Variants in NLRC5 observed in about 807,000 individuals in gnomAD.
NLRC5 encodes the protein protein NLRC5.
NLRC5 carries 114 observed loss-of-function variants against 206.9 expected under a neutral mutation model. That is an observed-to-expected ratio of 0.55 (90% confidence interval 0.47 to 0.64). NLRC5 has a LOEUF of 0.64. Among genes scored for constraint, NLRC5 ranks in the 30% least tolerant of loss-of-function variants. NLRC5 has a pLI of 0.00. For missense variants in NLRC5, 2,008 were observed against 2,305.5 expected, an observed-to-expected ratio of 0.87 and a Z score of 2.64; for synonymous variants, 952 against 962.8, an observed-to-expected ratio of 0.99 and a Z score of 0.21.
rs878933351 is a variant in NLRC5, at chr16:57,082,842, CAT to C, written c.*315_*316del. The C allele has an allele frequency of 5.6e-5, 14 of 248,112 alleles. 1 individual carries two copies. In the South Asian group the frequency reaches 1.2e-3, roughly 20 times the overall value. The allele number at this position is 248,112 out of a possible 1,614,324, so 15.4% of individuals were successfully genotyped here. ...TATATGTGGCAGTGTGACCCCTTGACATGTGGCGTTACATGAAAGTCAGTGTG... is the reference window on the plus strand; with the variant it reads ...TATATGTGGCAGTGTGACCCCTTGACGTGGCGTTACATGAAAGTCAGTGTG... On this transcript the variant is annotated 3_prime_UTR_variant, in exon 49 of 49. Coordinates refer to ENST00000688547, the MANE Select transcript of NLRC5 (RefSeq NM_001384950.1).
chr16:57,049,458 C>G (rs1205347662), intron 23 of NLRC5, among the ~76,000 whole-genome samples: 1 of 152,160 alleles, frequency 6.6e-6, no homozygotes, highest in Non-Finnish European at 1.5e-5. Flanking sequence ...CCACTGGCGG[C>G]CCGGCACGGT....
chr16:57,047,669 G>GA (rs766382710), intron 23 of NLRC5, 41 bp downstream of exon 23: 2 of 1,543,236 alleles, frequency 1.3e-6, no homozygotes, highest in Admixed American at 3.5e-5. Flanking sequence ...ACCATGTGGG[G>GA]ATCTGCCCAG....
At chr16:57,081,430 C>T in intron 47 of NLRC5, 97 bp from the exon 48 acceptor site, 1 of 1,167,426 alleles carries the variant, frequency 8.6e-7, no homozygotes, top group Non-Finnish European at 1.3e-6. Flanking sequence ...GAGACTGTGT[C>T]CCCTGACCTT....
At position 57,025,993 on chromosome 16, in the gene NLRC5, G is replaced by GCTGC. The variant is rs769045410; in HGVS notation, c.1067_1070dup (p.Glu358CysfsTer12). ...TGATGGCTACCTCCCGTCCAGGGAAGCTGCCTGCCTGCCTGCCTGCAGAGG... is the reference window on the plus strand; with the variant it reads ...TGATGGCTACCTCCCGTCCAGGGAAGCTGCCTGCCTGCCTGCCTGCCTGCAGAGG... On this transcript the variant is annotated frameshift_variant, in exon 6 of 49. Coordinates refer to ENST00000688547, the MANE Select transcript of NLRC5 (RefSeq NM_001384950.1). LOFTEE classifies it high-confidence loss of function. The GCTGC allele has an allele frequency of 4.3e-6, 7 of 1,614,022 alleles. No homozygotes were observed. The highest frequency in any genetic ancestry group is 1.7e-5 in the Admixed American group (1 of 60,030).
intron 1 of NLRC5, among the ~76,000 whole-genome samples, chr16:57,009,194 G>A (rs2059229797): frequency 6.6e-6 from 1 of 152,118 alleles, no homozygotes; most frequent in African/African-American, 2.4e-5. Context: ...AGGAGGCTGA[G>A]GCGGGAGAAT....
At chr16:57,027,351 C>T (rs1008282816) in intron 6 of NLRC5, among the ~76,000 whole-genome samples, 1 of 152,174 alleles carries the variant, frequency 6.6e-6, no homozygotes, top group African/African-American at 2.4e-5. Context: ...TTCTTCGTTC[C>T]TAAAACGAAT....
chr16:57,059,140 C>A, intron 29 of NLRC5, 79 bp downstream of exon 29: 1 of 1,609,962 alleles, frequency 6.2e-7, no homozygotes, highest in Non-Finnish European at 8.5e-7. Context: ...AGAAGCAAGG[C>A]ACCCACACTT....
rs774458908 is a variant in NLRC5, at chr16:57,047,553, A to G, written c.3347A>G (p.Glu1116Gly). 1.9e-6 allele frequency: 3 copies of G among 1,611,490 alleles called. No homozygotes were observed. The Admixed American group carries it at 5.0e-5, about 27-fold the overall frequency. ...RCIPRSLCLSECPLEPPSLTR... is the reference protein window; with the variant it reads ...RCIPRSLCLSGCPLEPPSLTR... ...CCATTGCCCCTTTGCAGCCTCAGTG[A>G]GTGTCCTCTGGAGCCCCCAAGCCTC... The change falls in exon 23 of 49, where the codon GAG becomes GGG. Residue 1116 changes from glutamate to glycine, a missense_variant. Glu to Gly is a moderately conservative substitution (Grantham distance 98, BLOSUM62 -2). Coordinates refer to ENST00000688547, the MANE Select transcript of NLRC5 (RefSeq NM_001384950.1).
At chr16:57,067,594 T>G in intron 35 of NLRC5, 124 bp downstream of exon 35, 1 of 1,348,540 alleles carries the variant, frequency 7.4e-7, no homozygotes. Flanking sequence ...ACTTGGCCAG[T>G]GGAGGGGAGG....
chr16:57,059,586 C>T (rs1224904383), intron 30 of NLRC5, 54 bp downstream of exon 30: 2 of 1,481,080 alleles, frequency 1.4e-6, no homozygotes, highest in African/African-American at 2.8e-5. Flanking sequence ...GGAGGCTGAC[C>T]CTATGGCGGC....
At chr16:57,056,082 T>A (rs2144471355) in intron 27 of NLRC5, among the ~76,000 whole-genome samples, 1 of 152,356 alleles carries the variant, frequency 6.6e-6, no homozygotes, top group East Asian at 1.9e-4. Context: ...ATTGTTCTCA[T>A]TTTACAGATG....
rs1045269608 is a variant in NLRC5 at position 57,054,615 on chromosome 16, G to C, written c.3507-136G>C. 17 of 735,058 alleles carry C rather than the reference G, an allele frequency of 2.3e-5. No individual in the cohort carries two copies. In the Admixed American group the frequency reaches 2.5e-4, roughly 11 times the overall value. The allele number at this position is 735,058 out of a possible 1,614,324, so 45.5% of individuals were successfully genotyped here. A position where few individuals can be genotyped will look rare whatever the true frequency, so the allele number is the denominator to read the frequency against. On this transcript the variant is annotated intron_variant, in intron 24 of 48. Coordinates refer to ENST00000688547, the MANE Select transcript of NLRC5 (RefSeq NM_001384950.1). ...CTGCCTGTCCCTCAGCCCTATTTGT[G>C]CCTCTTGATCCCCTGCCTGCTTCCC...
At chr16:57,063,233 C>T (rs2066732124) in intron 32 of NLRC5, among the ~76,000 whole-genome samples, 3 of 151,624 alleles carry the variant, frequency 2.0e-5, no homozygotes, top group African/African-American at 7.3e-5. Flanking sequence ...CTGCCTCAGC[C>T]TCCGGAGTAG....
In NLRC5 at chr16:57,046,540, T is replaced by A. The variant is rs532653449; in HGVS notation, c.3249-12T>A. On this transcript the variant is annotated splice_polypyrimidine_tract_variant and intron_variant, in intron 21 of 48. Transcript: ENST00000688547. ...GATCTGAACTTTCCTTTCTAAATGA[T>A]CCCCCTCCTAGGGATATGTGGGCCA... 3.7e-6 allele frequency: 6 copies of A among 1,611,088 alleles called. No individual in the cohort carries two copies. The East Asian group carries it at 1.3e-4, about 36-fold the overall frequency.
chr16:57,045,092 C>G (rs1325176534), intron 20 of NLRC5, among the ~76,000 whole-genome samples: 1 of 151,916 alleles, frequency 6.6e-6, no homozygotes, highest in Non-Finnish European at 1.5e-5. Context: ...GTAGTCCCAG[C>G]TACTTGGGAG....
chr16:57,033,713 G>A (rs763567157), intron 12 of NLRC5, 44 bp downstream of exon 12: 7 of 1,576,462 alleles, frequency 4.4e-6, no homozygotes, highest in Non-Finnish European at 4.4e-6. Flanking sequence ...GATATGATAT[G>A]GGGGAAAGTC....
intron 1 of NLRC5, among the ~76,000 whole-genome samples, chr16:56,995,997 C>T (rs1213774408): frequency 1.3e-5 from 2 of 152,102 alleles, no homozygotes; most frequent in Non-Finnish European, 2.9e-5. Flanking sequence ...TTCATTCTTC[C>T]AGACTAGTGA....
intron 32 of NLRC5, among the ~76,000 whole-genome samples, 180 bp from the exon 33 acceptor site, chr16:57,065,032 G>A (rs920517539): frequency 2.6e-5 from 4 of 152,210 alleles, no homozygotes; most frequent in Non-Finnish European, 4.4e-5. Context: ...TAAGGGTGAT[G>A]TTAATTTCCT....
chr16:57,057,913 G>T, intron 27 of NLRC5, 152 bp from the exon 28 acceptor site: 1 of 675,086 alleles, frequency 1.5e-6, no homozygotes, highest in South Asian at 1.6e-5. Context: ...TGATGGTGGT[G>T]ATACTGGTGA....
Sources: allele counts gnomAD v4.1 joint callset (sites outside exome capture counted in the v4.1 genomes callset), GRCh38; gene constraint gnomAD v4.1.1; transcripts MANE v1.5; gene names NCBI Gene and HGNC (gene_info 2026-07-23, HGNC 2026-07-21).